The following CADPS variants were observed in gnomAD, a reference collection of about 807,000 sequenced individuals.
CADPS encodes the protein calcium-dependent secretion activator 1.
Under a neutral mutation model 167.3 loss-of-function variants are expected in CADPS, and 57 were observed. The ratio of observed to expected loss-of-function variants is 0.34; its 90% CI spans 0.28 to 0.42. The LOEUF (loss-of-function observed/expected upper bound fraction) is 0.42. Among genes scored for constraint, CADPS ranks in the 20% least tolerant of loss-of-function variants. The probability of loss-of-function intolerance (pLI) is 1.00; values close to 1 mark genes in which losing one functional copy is unlikely to be tolerated. For missense variants in CADPS, 1,414 were observed against 1,738.1 expected, an observed-to-expected ratio of 0.81 and a Z score of 3.32; for synonymous variants, 676 against 635.3, an observed-to-expected ratio of 1.06 and a Z score of -0.96.
At chr3:62,558,294 G>T (rs71296778) in intron 9 of CADPS, among the ~76,000 whole-genome samples, 5,317 of 152,328 alleles carry the variant, frequency 0.035, 128 homozygotes, top group Middle Eastern at 0.099. Flanking sequence ...CCATGCCAGT[G>T]CAGGGCGGGT....
At chr3:62,649,391 T>C (rs2069423164) in intron 5 of CADPS, among the ~76,000 whole-genome samples, 1 of 152,082 alleles carries the variant, frequency 6.6e-6, no homozygotes, top group African/African-American at 2.4e-5. Context: ...ATGACCATCA[T>C]CATAAATTAG....
chr3:62,734,210 A>G (rs1440311278), intron 3 of CADPS, among the ~76,000 whole-genome samples: 1 of 152,184 alleles, frequency 6.6e-6, no homozygotes, highest in Non-Finnish European at 1.5e-5. Context: ...CCAACTGCAG[A>G]TATAGACCAA....
intron 1 of CADPS, among the ~76,000 whole-genome samples, chr3:62,821,206 T>A (rs982044286): frequency 6.6e-6 from 1 of 152,178 alleles, no homozygotes. Context: ...ACATAACAAA[T>A]AGCTTCAAAT....
intron 26 of CADPS, among the ~76,000 whole-genome samples, chr3:62,459,008 A>T (rs2059021750): frequency 6.6e-6 from 1 of 152,204 alleles, no homozygotes; most frequent in Non-Finnish European, 1.5e-5. Context: ...TCATGGCATC[A>T]ACTGGAAATA....
Position 62,421,110 on chromosome 3 carries a change from G to A in CADPS, c.3777+16994C>T, listed in dbSNP as rs2051273927. Among the ~76,000 whole-genome samples the A allele has an allele frequency of 6.6e-6, 1 of 152,120 alleles. No individual in the cohort carries two copies. The highest frequency in any genetic ancestry group is 6.5e-5 in the Admixed American group (1 of 15,270). ...TCTGCGTCAGGTCCCCCATTGAAGT[G>A]TTCAGATGGGTCTAGGGCCTGAGCA... On this transcript the variant is annotated intron_variant, in intron 28 of 29. Transcript: ENST00000383710. This position sits in a 1 kb window ranked among gnomAD's most constrained non-coding sequence, Gnocchi z 4.7.
rs191091348 is a variant in CADPS at position 62,722,952 on chromosome 3, G to T, written c.888+30489C>A. Among the ~76,000 whole-genome samples, 10 of 152,236 alleles carry T rather than the reference G, an allele frequency of 6.6e-5. No homozygotes were observed. In the East Asian group the frequency reaches 1.9e-3, roughly 29 times the overall value. On this transcript the variant is annotated intron_variant, in intron 3 of 29. Coordinates refer to ENST00000383710, the MANE Select transcript of CADPS (RefSeq NM_003716.4). ...CCAGCTGAATAAAAAACTCACACAT[G>T]TCTGGGAGAGGAAGGTGGTGGTGTC...
intron 13 of CADPS, among the ~76,000 whole-genome samples, chr3:62,518,929 A>G (rs2151727987): frequency 6.6e-6 from 1 of 152,318 alleles, no homozygotes; most frequent in East Asian, 1.9e-4. Flanking sequence ...TTCCAATTTT[A>G]GCAAACTGTT....
At chr3:62,491,115 G>A (rs2367089) in intron 21 of CADPS, among the ~76,000 whole-genome samples, 28,288 of 151,950 alleles carry the variant, frequency 0.19, 3,790 homozygotes, top group African/African-American at 0.38. Context: ...TTCATTTCAT[G>A]AAACGTTTTT....
At chr3:62,802,849 C>T (rs766577970) in intron 1 of CADPS, among the ~76,000 whole-genome samples, 35 of 152,160 alleles carry the variant, frequency 2.3e-4, no homozygotes, top group Admixed American at 1.5e-3. Flanking sequence ...CTACTATTCT[C>T]TGGTCTGGTT....
intron 2 of CADPS, among the ~76,000 whole-genome samples, chr3:62,758,887 C>G (rs1398659277): frequency 2.0e-5 from 3 of 152,206 alleles, no homozygotes; most frequent in African/African-American, 7.2e-5. Flanking sequence ...TACTTAGTGA[C>G]TGTTCACATT....
At chr3:62,484,835 T>C (rs1349594) in intron 21 of CADPS, among the ~76,000 whole-genome samples, 22,893 of 152,122 alleles carry the variant, frequency 0.15, 2,333 homozygotes, top group African/African-American at 0.29. Context: ...TGGGGTTGTA[T>C]TTAAGATACA....
At chr3:62,719,671 C>T (rs1581090691) in intron 3 of CADPS, among the ~76,000 whole-genome samples, 1 of 152,270 alleles carries the variant, frequency 6.6e-6, no homozygotes. Context: ...GTAATGCATC[C>T]CTGGAAAATA....
At chr3:62,462,127 C>T (rs2059422164) in intron 26 of CADPS, among the ~76,000 whole-genome samples, 1 of 152,242 alleles carries the variant, frequency 6.6e-6, no homozygotes, top group African/African-American at 2.4e-5. Flanking sequence ...TCCAAACAGG[C>T]ATCCCACGCA....
intron 6 of CADPS, among the ~76,000 whole-genome samples, chr3:62,632,795 C>G (rs188659212): frequency 5.9e-5 from 9 of 152,132 alleles, no homozygotes; most frequent in Admixed American, 3.3e-4. Context: ...GGTTAGGTGT[C>G]AATGTCACCC....
chr3:62,828,442 C>A (rs747408489), intron 1 of CADPS, among the ~76,000 whole-genome samples: 2 of 151,990 alleles, frequency 1.3e-5, no homozygotes, highest in Non-Finnish European at 2.9e-5. Context: ...AGGAACTGGG[C>A]AAATGGCCAA....
intron 19 of CADPS, 116 bp downstream of exon 19, chr3:62,493,527 TTG>T (rs1233306508): frequency 1.4e-6 from 1 of 703,666 alleles, no homozygotes; most frequent in African/African-American, 1.9e-5. Flanking sequence ...ATGAAAGGGT[TTG>T]TTCAATGGCC....
At chr3:62,821,749 G>T (rs910830839) in intron 1 of CADPS, among the ~76,000 whole-genome samples, 1 of 152,094 alleles carries the variant, frequency 6.6e-6, no homozygotes, top group Non-Finnish European at 1.5e-5. Flanking sequence ...CAGGGGTTAG[G>T]GTTTCAACAT....
At chr3:62,432,817 C>A (rs780488167) in intron 28 of CADPS, among the ~76,000 whole-genome samples, 1 of 152,184 alleles carries the variant, frequency 6.6e-6, no homozygotes, top group Non-Finnish European at 1.5e-5. Context: ...GTTCCAGAGG[C>A]AGGGCCCATG....
rs542857694 is a variant in CADPS at position 62,721,244 on chromosome 3, T to A, written c.888+32197A>T. Among the ~76,000 whole-genome samples the A allele has an allele frequency of 4.5e-4, 68 of 151,766 alleles. 2 individuals carry two copies. In the South Asian group the frequency reaches 0.014, roughly 31 times the overall value. On this transcript the variant is annotated intron_variant, in intron 3 of 29. Transcript: ENST00000383710. ...CATCAGAGCGGCTGGGATCTCAGGA[T>A]AGTGGGACCATTCTCCCACAAGAGA...
Sources: allele counts gnomAD v4.1 joint callset (sites outside exome capture counted in the v4.1 genomes callset), GRCh38; gene constraint gnomAD v4.1.1; non-coding constraint Gnocchi (gnomAD v3.1); transcripts MANE v1.5; gene names NCBI Gene and HGNC (gene_info 2026-07-23, HGNC 2026-07-21).